RNF34: variants seen among roughly 807,000 people sequenced by gnomAD.
RNF34 encodes E3 ubiquitin-protein ligase RNF34.
In RNF34, 12 loss-of-function variants were observed where a neutral mutation model predicts 37.9. The ratio of observed to expected loss-of-function variants is 0.32; its 90% confidence interval spans 0.20 to 0.51. The LOEUF (loss-of-function observed/expected upper bound fraction) is 0.51, where lower values mean the gene tolerates loss of function less well. RNF34 is among the 20% of genes least tolerant of loss of function. RNF34 has a pLI of 0.97. For synonymous variants in RNF34, 155 were observed against 177.2 expected, an observed-to-expected ratio of 0.87 and a Z score of 1.00; for missense variants, 362 against 472.7, an observed-to-expected ratio of 0.77 and a Z score of 2.17.
At chr12:121,415,874 A>C (rs939840100) in intron 1 of RNF34, among the ~76,000 whole-genome samples, 11 of 123,016 alleles carry the variant, frequency 8.9e-5, no homozygotes, top group African/African-American at 3.3e-4. Context: ...ATGCCTGTGT[A>C]CATGTATCTG....
chr12:121,412,900 A>G (rs1246773083), intron 1 of RNF34, among the ~76,000 whole-genome samples: 2 of 151,186 alleles, frequency 1.3e-5, no homozygotes, highest in East Asian at 3.9e-4. Flanking sequence ...TATTTTTAGT[A>G]GAGACGGGGT....
At chr12:121,414,331 T>A (rs1555281816) in intron 1 of RNF34, among the ~76,000 whole-genome samples, 1 of 152,266 alleles carries the variant, frequency 6.6e-6, no homozygotes, top group Non-Finnish European at 1.5e-5. Flanking sequence ...CTATTCGTTC[T>A]AAACACTATA....
At chr12:121,415,861 T>TTTTTA (rs782675978) in intron 1 of RNF34, among the ~76,000 whole-genome samples, 2 of 149,840 alleles carry the variant, frequency 1.3e-5, no homozygotes, top group African/African-American at 4.9e-5. Context: ...TTTTTTTTTT[T>TTTTTA]ACATGCCTGT....
intron 1 of RNF34, among the ~76,000 whole-genome samples, chr12:121,407,658 G>C (rs568273746): frequency 6.6e-6 from 1 of 152,312 alleles, no homozygotes; most frequent in South Asian, 2.1e-4. Context: ...TGGAAGCAAT[G>C]AATGAATAAA....
rs782340848 is a variant in RNF34 at position 121,420,287 on chromosome 12, G to A, written c.679G>A (p.Asp227Asn). 35 of 1,595,048 alleles carry A rather than the reference G, an allele frequency of 2.2e-5. No individual in the cohort carries two copies. The Middle Eastern group carries it at 2.2e-3, about 98-fold the overall frequency. Residue 227 changes from aspartate to asparagine, a missense_variant, in exon 4 of 6, where the codon GAC (aspartate) becomes AAC (asparagine). Transcript: ENST00000361234. ...TSANTEDDDD[D>N]DDEDDDDEEE... ...AGCAAACACAGAAGATGATGATGAC[G>A]ACGATGATGAGGATGATGATGATGA...
intron 1 of RNF34, among the ~76,000 whole-genome samples, chr12:121,408,319 G>A (rs549908728): frequency 1.3e-5 from 2 of 152,256 alleles, no homozygotes; most frequent in Non-Finnish European, 2.9e-5. Context: ...GCAGGCACTT[G>A]TAATCCCAGC....
intron 1 of RNF34, among the ~76,000 whole-genome samples, chr12:121,411,934 A>C (rs1045398856): frequency 2.6e-5 from 4 of 152,218 alleles, no homozygotes; most frequent in Admixed American, 1.3e-4. Flanking sequence ...TCTGCAGTTG[A>C]GGTATTTTTT....
chr12:121,413,743 A>C (rs1057377768), intron 1 of RNF34, among the ~76,000 whole-genome samples: 23 of 151,420 alleles, frequency 1.5e-4, no homozygotes, highest in Middle Eastern at 3.4e-3. Context: ...TGCCCAGCTA[A>C]TTTTTTGTAT....
chr12:121,401,640 G>C (rs1321121406), intron 1 of RNF34, among the ~76,000 whole-genome samples: 14 of 152,034 alleles, frequency 9.2e-5, no homozygotes, highest in Admixed American at 7.9e-4. Flanking sequence ...ATAATGCCTC[G>C]AAGAATCAGT....
At chr12:121,420,851 C>T (rs1424153515) in intron 5 of RNF34, 73 bp downstream of exon 5, 3 of 1,089,242 alleles carry the variant, frequency 2.8e-6, no homozygotes, top group Non-Finnish European at 4.2e-6. Flanking sequence ...GTTTTTGTCA[C>T]AATTAAGTCA....
chr12:121,416,351 C>G lies in RNF34; in HGVS notation c.199C>G (p.Leu67Val), dbSNP rs1389921304. The G allele has an allele frequency of 1.2e-6, 2 of 1,613,378 alleles. No homozygotes were observed. Among genetic ancestry groups the G allele is most frequent in the Non-Finnish European group, 1.7e-6 (2 of 1,179,468 alleles). ...GPNIVCKACGLSFSVFRKKHV... is the reference protein window; with the variant it reads ...GPNIVCKACGVSFSVFRKKHV... ...CAACATAGTTTGTAAAGCCTGTGGG[C>G]TTTCATTTTCAGTCTTTAGAAAGAA... Residue 67 changes from leucine to valine, a missense_variant, in exon 2 of 6, where the codon CTT becomes GTT. Physicochemically the swap from Leu to Val is conservative, Grantham distance 32. Coordinates refer to ENST00000361234, the MANE Select transcript of RNF34 (RefSeq NM_025126.4).
chr12:121,402,825 A>G, intron 1 of RNF34: 1 of 1,535,488 alleles, frequency 6.5e-7, no homozygotes, highest in Non-Finnish European at 9.0e-7. Flanking sequence ...TTGTATCTAT[A>G]GCACATGTTA....
At chr12:121,409,180 A>G (rs531346080) in intron 1 of RNF34, among the ~76,000 whole-genome samples, 4 of 152,220 alleles carry the variant, frequency 2.6e-5, no homozygotes, top group Admixed American at 2.0e-4. Flanking sequence ...GGGTTTTACC[A>G]TGTTGGCCAG....
At position 121,423,910 on chromosome 12, in the gene RNF34, T is replaced by G. The variant is rs1358243947; in HGVS notation, c.*334T>G. On this transcript the variant is annotated 3_prime_UTR_variant, in exon 6 of 6. Coordinates refer to ENST00000361234, the MANE Select transcript of RNF34 (RefSeq NM_025126.4). The surrounding 1 kb of genome is among the most constrained non-coding windows in gnomAD (Gnocchi z 4.3). ...ATCCTGTTCTCTTATTTCCCCTTCA[T>G]CCTATTTTTAACTTAAACTGCTCAG... is the stretch of plus-strand genomic sequence containing the variant. 1 of 226,914 alleles carries G rather than the reference T, an allele frequency of 4.4e-6. No individual in the cohort carries two copies. The highest frequency in any genetic ancestry group is 2.3e-5 in the African/African-American group (1 of 44,010). The allele number at this position is 226,914 out of a possible 1,614,324, so 14.1% of individuals were successfully genotyped here. A position where few individuals can be genotyped will look rare whatever the true frequency, so the allele number is the denominator to read the frequency against.
intron 1 of RNF34, 100 bp downstream of exon 1, chr12:121,400,318 C>A: frequency 2.1e-6 from 3 of 1,401,964 alleles, no homozygotes; most frequent in East Asian, 2.6e-5. Context: ...GTTACCTAGT[C>A]GTCATCTCGG....
chr12:121,405,445 A>G (rs1870434415), intron 1 of RNF34, among the ~76,000 whole-genome samples: 1 of 152,188 alleles, frequency 6.6e-6, no homozygotes, highest in Non-Finnish European at 1.5e-5. Flanking sequence ...AGTTGATGCT[A>G]TCAGTAAAAA....
chr12:121,405,862 C>T (rs750534159), intron 1 of RNF34, among the ~76,000 whole-genome samples: 7 of 150,816 alleles, frequency 4.6e-5, no homozygotes, highest in South Asian at 2.1e-4. Flanking sequence ...GGTGCAATCT[C>T]GGCTCACTGC....
At chr12:121,421,640 A>C (rs2137179287) in intron 5 of RNF34, among the ~76,000 whole-genome samples, 1 of 152,326 alleles carries the variant, frequency 6.6e-6, no homozygotes, top group East Asian at 1.9e-4. Flanking sequence ...CGGAACATTT[A>C]TGGACAAGAA....
In RNF34 at chr12:121,420,618, T is replaced by G; in HGVS notation, c.768T>G (p.Ser256=). Residue 256 remains serine, a synonymous_variant, in exon 5 of 6, where the codon TCT becomes TCG. Transcript: ENST00000361234. ...AGGAGAGAGTGAGAGCTTCACTGTC[T>G]GACTTGTCAAGCCTTGATGATGTGG... ...LSKERVRASL[S]DLSSLDDVEG... 2 of 1,614,176 alleles carry G rather than the reference T, an allele frequency of 1.2e-6. No homozygotes were observed. Among genetic ancestry groups the G allele is most frequent in the Non-Finnish European group, 1.7e-6 (2 of 1,180,024 alleles).
Sources: allele counts gnomAD v4.1 joint callset (sites outside exome capture counted in the v4.1 genomes callset), GRCh38; gene constraint gnomAD v4.1.1; non-coding constraint Gnocchi (gnomAD v3.1); transcripts MANE v1.5; gene names NCBI Gene and HGNC (gene_info 2026-07-23, HGNC 2026-07-21).